KCNIP1: variants seen among roughly 807,000 people sequenced by gnomAD.
KCNIP1 encodes the protein A-type potassium channel modulatory protein KCNIP1.
Under a neutral mutation model 33.0 loss-of-function variants are expected in KCNIP1, and 18 were observed. That is an observed-to-expected ratio of 0.55 (90% CI 0.38 to 0.81). KCNIP1 has a LOEUF of 0.81. Among genes scored for constraint, KCNIP1 ranks in the 30% least tolerant of loss-of-function variants. The pLI, the probability that KCNIP1 is intolerant of heterozygous loss-of-function variation, is 0.00. For missense variants in KCNIP1, 238 were observed against 271.6 expected (o/e 0.88, Z 0.87); for synonymous variants, 93 against 98.3 (o/e 0.95, Z 0.32).
chr5:170,571,328 C>G (rs190872208), intron 1 of KCNIP1, among the ~76,000 whole-genome samples: 6 of 152,342 alleles, frequency 3.9e-5, no homozygotes, highest in African/African-American at 1.4e-4. Flanking sequence ...CTCATCTCTT[C>G]CCTGGCCCTT....
At chr5:170,663,483 G>A (rs1459290005) in intron 1 of KCNIP1, among the ~76,000 whole-genome samples, 1 of 152,124 alleles carries the variant, frequency 6.6e-6, no homozygotes, top group Non-Finnish European at 1.5e-5. Flanking sequence ...CGAATCCAGG[G>A]TTTCTCCTAC....
At chr5:170,535,175 CA>C (rs1755934341) in intron 1 of KCNIP1, among the ~76,000 whole-genome samples, 1 of 152,172 alleles carries the variant, frequency 6.6e-6, no homozygotes, top group Non-Finnish European at 1.5e-5. Context: ...GCCTCACCCC[CA>C]CTGACAGGTC....
intron 1 of KCNIP1, among the ~76,000 whole-genome samples, chr5:170,573,378 G>C (rs1359292047): frequency 6.6e-6 from 1 of 152,134 alleles, no homozygotes; most frequent in African/African-American, 2.4e-5. Flanking sequence ...AATGTCCCAG[G>C]GCAGTGCCTC....
chr5:170,694,694 T>C (rs1158807859), intron 1 of KCNIP1, among the ~76,000 whole-genome samples: 1 of 152,218 alleles, frequency 6.6e-6, no homozygotes, highest in East Asian at 1.9e-4. Context: ...AGGTTCTTTT[T>C]AATTGCTCTT....
rs540360161 is a variant in KCNIP1 at position 170,687,185 on chromosome 5, AT to A, written c.62-31559del. ...TTTATGTGTAAAAAAACCTGAGTAA[AT>A]TTTTTTTTTTTTTGAGATGGAGTCT... On this transcript the variant is annotated intron_variant, in intron 1 of 7. Coordinates refer to ENST00000328939, the MANE Select transcript of KCNIP1 (RefSeq NM_014592.4). 2.3e-3 allele frequency among the ~76,000 whole-genome samples: 337 copies of A among 145,708 alleles called. No individual in the cohort carries two copies. In the Middle Eastern group the frequency reaches 0.024, roughly 11 times the overall value.
rs766634519 is a variant in KCNIP1, at chr5:170,513,051, GA to G, written c.61+8432del. Reference sequence around the variant, plus strand: ...GGCGACAGAGCGAGACTCCATCTTGGAAAAAAAAAAAAAACCTCAACTCAGT... The same window carrying G: ...GGCGACAGAGCGAGACTCCATCTTGGAAAAAAAAAAAAACCTCAACTCAGT... On this transcript the variant is annotated intron_variant, in intron 1 of 7. Transcript: ENST00000328939. Among the ~76,000 whole-genome samples, 983 of 136,726 alleles carry G rather than the reference GA, an allele frequency of 7.2e-3. 15 individuals are homozygous for G. Among genetic ancestry groups the G allele is most frequent in the African/African-American group, 0.021 (799 of 37,392 alleles). 89.7% of individuals were successfully genotyped at this position (136,726 alleles called of 152,430 possible).
At chr5:170,574,880 G>A (rs929333320) in intron 1 of KCNIP1, among the ~76,000 whole-genome samples, 3 of 152,174 alleles carry the variant, frequency 2.0e-5, no homozygotes, top group African/African-American at 7.2e-5. Context: ...CAGACATGGG[G>A]GAAACGTGCC....
At chr5:170,471,233 G>A (rs753423212) in intron 1 of KCNIP1, among the ~76,000 whole-genome samples, 6 of 152,174 alleles carry the variant, frequency 3.9e-5, no homozygotes, top group Non-Finnish European at 8.8e-5. Context: ...TCGGTTGGGT[G>A]CTCTAGAATC....
chr5:170,420,456 C>G (rs1471537641), intron 1 of KCNIP1: 1 of 150,416 alleles, frequency 6.6e-6, no homozygotes, highest in African/African-American at 2.5e-5. Flanking sequence ...TCACTTGAAC[C>G]TGGGAGGCCG....
intron 1 of KCNIP1, among the ~76,000 whole-genome samples, chr5:170,476,157 G>A (rs1174516078): frequency 6.6e-6 from 1 of 152,010 alleles, no homozygotes; most frequent in Non-Finnish European, 1.5e-5. Context: ...TTTTTGTAGA[G>A]ACAGTGTTTT....
chr5:170,585,291 G>A (rs1295172233), intron 1 of KCNIP1, among the ~76,000 whole-genome samples: 2 of 152,160 alleles, frequency 1.3e-5, no homozygotes, highest in Admixed American at 1.3e-4. Flanking sequence ...TCAGAGGGGG[G>A]GATCTGAGGG....
intron 1 of KCNIP1, among the ~76,000 whole-genome samples, chr5:170,471,468 G>A (rs781515426): frequency 6.6e-6 from 1 of 152,162 alleles, no homozygotes; most frequent in Non-Finnish European, 1.5e-5. Flanking sequence ...CAAGGGCGAG[G>A]GTAGTTTGTT....
chr5:170,522,706 C>T (rs1184725822), intron 1 of KCNIP1, among the ~76,000 whole-genome samples: 2 of 152,226 alleles, frequency 1.3e-5, no homozygotes, highest in Non-Finnish European at 2.9e-5. Context: ...CTGGCCAGCC[C>T]AATGGCATTT....
intron 1 of KCNIP1, among the ~76,000 whole-genome samples, chr5:170,631,577 G>A (rs894391775): frequency 6.6e-6 from 1 of 152,240 alleles, no homozygotes; most frequent in Non-Finnish European, 1.5e-5. Context: ...CTGCACAGAA[G>A]GGAAGCTGTC....
chr5:170,722,111 T>C (rs879409031), intron 4 of KCNIP1, among the ~76,000 whole-genome samples: 1 of 152,200 alleles, frequency 6.6e-6, no homozygotes, highest in Non-Finnish European at 1.5e-5. Flanking sequence ...CTCAGGGGAC[T>C]AATAACAACA....
At chr5:170,648,324 C>A (rs1760877325) in intron 1 of KCNIP1, among the ~76,000 whole-genome samples, 1 of 152,176 alleles carries the variant, frequency 6.6e-6, no homozygotes, top group African/African-American at 2.4e-5. Context: ...CAAAAAACTG[C>A]ATGTGGATGT....
chr5:170,462,052 A>C (rs1405768434), intron 1 of KCNIP1, among the ~76,000 whole-genome samples: 2 of 152,158 alleles, frequency 1.3e-5, no homozygotes, highest in Non-Finnish European at 2.9e-5. Flanking sequence ...ACATTCGCTT[A>C]GGCAAGGATT....
chr5:170,411,327 C>T (rs886182173), intron 1 of KCNIP1, among the ~76,000 whole-genome samples: 2 of 152,234 alleles, frequency 1.3e-5, no homozygotes, highest in Non-Finnish European at 2.9e-5. Context: ...GGGACTTCCT[C>T]ACAGCCAATA....
At chr5:170,463,894 C>T (rs1021786785) in intron 1 of KCNIP1, among the ~76,000 whole-genome samples, 1 of 152,082 alleles carries the variant, frequency 6.6e-6, no homozygotes, top group Admixed American at 6.5e-5. Context: ...CCGGATGATA[C>T]CACCTTATAT....
Sources: allele counts gnomAD v4.1 joint callset (sites outside exome capture counted in the v4.1 genomes callset), GRCh38; gene constraint gnomAD v4.1.1; transcripts MANE v1.5; gene names NCBI Gene and HGNC (gene_info 2026-07-23, HGNC 2026-07-21).